The following PIK3C2A variants were observed in gnomAD, a reference collection of about 807,000 sequenced individuals.
PIK3C2A encodes phosphatidylinositol 4-phosphate 3-kinase C2 domain-containing subunit alpha.
In PIK3C2A, 97 loss-of-function variants were observed where a neutral mutation model predicts 204.5. That is an observed-to-expected ratio of 0.47 (90% confidence interval 0.40 to 0.56). The LOEUF is 0.56. PIK3C2A is among the 20% of genes least tolerant of loss of function. The pLI is 0.00. For missense variants in PIK3C2A, 1,735 were observed against 1,969.2 expected, an observed-to-expected ratio of 0.88 and a Z score of 2.25; for synonymous variants, 653 against 664.4, an observed-to-expected ratio of 0.98 and a Z score of 0.26.
intron 1 of PIK3C2A, among the ~76,000 whole-genome samples, chr11:17,172,067 T>G (rs868583917): frequency 6.6e-6 from 1 of 152,208 alleles, no homozygotes; most frequent in African/African-American, 2.4e-5. Flanking sequence ...TTGCCAAGAC[T>G]GAAAATTTTC....
intron 8 of PIK3C2A, among the ~76,000 whole-genome samples, chr11:17,142,967 T>G (rs1270727624): frequency 1.3e-5 from 2 of 151,562 alleles, no homozygotes; most frequent in Non-Finnish European, 2.9e-5. Context: ...GGGGATTTTT[T>G]TTTTTTTAAG....
chr11:17,105,104 GAACTT>G, intron 23 of PIK3C2A, 60 bp downstream of exon 23: 1 of 1,295,572 alleles, frequency 7.7e-7, no homozygotes, highest in East Asian at 2.3e-5. Flanking sequence ...GAAAATGAAA[GAACTT>G]AAAACCTCTG....
chr11:17,152,769 G>A (rs1298192890), intron 3 of PIK3C2A, among the ~76,000 whole-genome samples: 6 of 152,082 alleles, frequency 3.9e-5, no homozygotes, highest in African/African-American at 1.2e-4. Context: ...ACTTTTGTGT[G>A]CTCAATCAGA....
At chr11:17,095,920 TATAAAATAAA>T (rs971915260) in intron 27 of PIK3C2A, among the ~76,000 whole-genome samples, 2 of 151,024 alleles carry the variant, frequency 1.3e-5, no homozygotes, top group South Asian at 2.1e-4. Flanking sequence ...CTTTTATATT[TATAAAATAAA>T]ATAAAATAAC....
intron 1 of PIK3C2A, chr11:17,193,902 G>GAAAAGA: frequency 4.2e-6 from 1 of 238,226 alleles, no homozygotes; most frequent in Non-Finnish European, 7.6e-6. Flanking sequence ...GAAAAGAAAA[G>GAAAAGA]AAAAGAAAAG....
At chr11:17,144,872 G>C (rs932893520) in intron 8 of PIK3C2A, among the ~76,000 whole-genome samples, 5 of 116,260 alleles carry the variant, frequency 4.3e-5, no homozygotes, top group African/African-American at 1.6e-4. Flanking sequence ...TCCAGCCTGA[G>C]CAACACATGG....
intron 8 of PIK3C2A, among the ~76,000 whole-genome samples, chr11:17,141,894 T>A (rs184157270): frequency 2.6e-5 from 4 of 152,328 alleles, no homozygotes; most frequent in Admixed American, 1.3e-4. Flanking sequence ...ATGTGAAATG[T>A]ATAAGATCTT....
intron 1 of PIK3C2A, among the ~76,000 whole-genome samples, chr11:17,206,646 T>C (rs1565314356): frequency 6.6e-6 from 1 of 151,704 alleles, no homozygotes; most frequent in South Asian, 2.1e-4. Flanking sequence ...AGGAGTCTCT[T>C]GTGGAGACTT....
At chr11:17,124,460 T>C (rs1314524775) in intron 13 of PIK3C2A, among the ~76,000 whole-genome samples, 1 of 150,816 alleles carries the variant, frequency 6.6e-6, no homozygotes, top group Non-Finnish European at 1.5e-5. Context: ...TGGATGTCTT[T>C]TTTTTTTTTT....
At chr11:17,152,582 T>C (rs1309819234) in intron 3 of PIK3C2A, among the ~76,000 whole-genome samples, 5 of 152,176 alleles carry the variant, frequency 3.3e-5, no homozygotes, top group Admixed American at 2.6e-4. Context: ...ACATTACAGT[T>C]TGATGTTCTT....
intron 1 of PIK3C2A, among the ~76,000 whole-genome samples, chr11:17,190,574 CAAAA>C (rs35193747): frequency 8.8e-6 from 1 of 114,036 alleles, no homozygotes; most frequent in Admixed American, 9.0e-5. Context: ...GACTCTGTCT[CAAAA>C]AAAAAAAAAA....
chr11:17,193,581 CT>C, intron 1 of PIK3C2A: 2 of 395,192 alleles, frequency 5.1e-6, no homozygotes, highest in Non-Finnish European at 5.0e-6. Flanking sequence ...GGTGTGGTGG[CT>C]TACGCCCGTA....
At chr11:17,133,206 G>A (rs920848680) in intron 11 of PIK3C2A, among the ~76,000 whole-genome samples, 2 of 151,886 alleles carry the variant, frequency 1.3e-5, no homozygotes, top group African/African-American at 4.8e-5. Context: ...GTCTTCTACT[G>A]GGTATTTGTT....
chr11:17,131,790 G>T, intron 12 of PIK3C2A, 126 bp downstream of exon 12: 1 of 769,964 alleles, frequency 1.3e-6, no homozygotes, highest in Non-Finnish European at 2.2e-6. Context: ...GAGATCTTAA[G>T]ACATAAGTCA....
At chr11:17,148,511 A>G in intron 5 of PIK3C2A, 156 bp downstream of exon 5, 1 of 647,852 alleles carries the variant, frequency 1.5e-6, no homozygotes, top group Non-Finnish European at 2.6e-6. Context: ...GACATCTTAG[A>G]CATTATATAT....
intron 26 of PIK3C2A, 74 bp from the exon 27 acceptor site, chr11:17,097,338 A>G (rs2137275009): frequency 1.1e-6 from 1 of 891,628 alleles, no homozygotes; most frequent in East Asian, 2.6e-5. Context: ...AATAAATGAC[A>G]AAAACCACTT....
At chr11:17,205,644 T>G (rs999805289) in intron 1 of PIK3C2A, among the ~76,000 whole-genome samples, 3 of 152,172 alleles carry the variant, frequency 2.0e-5, no homozygotes, top group East Asian at 1.9e-4. Flanking sequence ...CTTACTTAAA[T>G]GCAAAACTTT....
chr11:17,193,874 A>AGGGGAGGGG (rs1565305818), intron 1 of PIK3C2A: 3 of 111,056 alleles, frequency 2.7e-5, no homozygotes, highest in Non-Finnish European at 2.9e-5. Flanking sequence ...AAAGAAAAGA[A>AGGGGAGGGG]AAGAAAAGAA....
intron 12 of PIK3C2A, among the ~76,000 whole-genome samples, chr11:17,130,788 CAG>C (rs1849666838): frequency 7.5e-6 from 1 of 132,720 alleles, no homozygotes; most frequent in Non-Finnish European, 1.6e-5. Flanking sequence ...GCCTGGGTGA[CAG>C]AGTGAGACTC....
Sources: allele counts gnomAD v4.1 joint callset (sites outside exome capture counted in the v4.1 genomes callset), GRCh38; gene constraint gnomAD v4.1.1; transcripts MANE v1.5; gene names NCBI Gene and HGNC (gene_info 2026-07-23, HGNC 2026-07-21).